NAPB: variants seen among roughly 807,000 people sequenced by gnomAD.
NAPB encodes the protein NSF attachment protein beta.
NAPB carries 26 observed loss-of-function variants against 44.7 expected under a neutral mutation model. The observed-to-expected ratio is 0.58, with a 90% CI of 0.43 to 0.81. The LOEUF is 0.81. Among genes scored for constraint, NAPB ranks in the 30% least tolerant of loss-of-function variants. The pLI, the probability that NAPB is intolerant of heterozygous loss-of-function variation, is 0.00. For synonymous variants in NAPB, 120 were observed against 116.8 expected (o/e 1.03, Z -0.18); for missense variants, 315 against 356.4 (o/e 0.88, Z 0.94).
chr20:23,404,519 C>T (rs571994033), intron 1 of NAPB, among the ~76,000 whole-genome samples: 19 of 152,342 alleles, frequency 1.2e-4, no homozygotes, highest in African/African-American at 4.6e-4. Flanking sequence ...TAACTACTAA[C>T]AGTATGGCCC....
chr20:23,402,773 C>T (rs913970884), intron 2 of NAPB, among the ~76,000 whole-genome samples: 1 of 152,202 alleles, frequency 6.6e-6, no homozygotes, highest in African/African-American at 2.4e-5. Context: ...AAGACAGACA[C>T]TGTCCCTGTG....
intron 1 of NAPB, 48 bp downstream of exon 1, chr20:23,421,257 A>G (rs765005794): frequency 1.4e-6 from 2 of 1,389,400 alleles, no homozygotes; most frequent in South Asian, 1.3e-5. Context: ...GAAGGGGGCC[A>G]AGTACGGAGA....
chr20:23,397,897 C>T (rs1984493796), intron 2 of NAPB, among the ~76,000 whole-genome samples: 1 of 152,168 alleles, frequency 6.6e-6, no homozygotes, highest in African/African-American at 2.4e-5. Flanking sequence ...ATATAAGGTA[C>T]ATGAACTAAT....
At chr20:23,404,043 A>G (rs1414971247) in intron 1 of NAPB, among the ~76,000 whole-genome samples, 2 of 152,156 alleles carry the variant, frequency 1.3e-5, no homozygotes, top group African/African-American at 4.8e-5. Flanking sequence ...ACAGTTCTGC[A>G]AAGTTCTTTA....
Position 23,379,921 on chromosome 20 carries a change from T to C in NAPB, c.681A>G (p.Lys227=), listed in dbSNP as rs766348532. 3.1e-6 allele frequency: 5 copies of C among 1,613,138 alleles called. No homozygotes were observed. Among genetic ancestry groups the C allele is most frequent in the African/African-American group, 1.3e-5 (1 of 74,916 alleles). ...TAAATGCTGGAAACATTTCCTCATA[T>C]TTCTCAAGAGCAAGCTGAGAGAGAA... ...DELNAKLALE[K]YEEMFPAFTD... The change falls in exon 9 of 11, where the codon AAA becomes AAG. Residue 227 remains lysine, a synonymous_variant. Transcript: ENST00000377026.
intron 3 of NAPB, 95 bp from the exon 4 acceptor site, chr20:23,395,280 A>T: frequency 7.6e-7 from 1 of 1,320,912 alleles, no homozygotes; most frequent in South Asian, 1.3e-5. Context: ...CAGAACGTTA[A>T]TGAGGTATAA....
intron 3 of NAPB, 78 bp downstream of exon 3, chr20:23,396,994 A>G (rs1020657662): frequency 4.3e-5 from 63 of 1,453,442 alleles, no homozygotes; most frequent in Admixed American, 2.0e-5. Context: ...GCACACCAAC[A>G]CTGACCTTAA....
chr20:23,415,971 A>T (rs1230139508), intron 1 of NAPB, among the ~76,000 whole-genome samples: 1 of 152,216 alleles, frequency 6.6e-6, no homozygotes, highest in Non-Finnish European at 1.5e-5. Context: ...GTCTCAAAAA[A>T]ATAAATACAT....
rs1309899831 is a variant in NAPB, at chr20:23,420,847, C to T, written c.98+458G>A. ...AGTGTTCTAGGGGCTTCGTGGGGCGCTTGGGGAGCTCTGGGGGTCCTAGGG... is the reference window on the plus strand; with the variant it reads ...AGTGTTCTAGGGGCTTCGTGGGGCGTTTGGGGAGCTCTGGGGGTCCTAGGG... On this transcript the variant is annotated intron_variant, in intron 1 of 10. Transcript: ENST00000377026. Among the ~76,000 whole-genome samples the T allele has an allele frequency of 6.0e-5, 9 of 150,204 alleles. No homozygotes were observed. In the South Asian group the frequency reaches 1.9e-3, roughly 32 times the overall value.
chr20:23,385,582 C>A (rs1160344841), intron 7 of NAPB, among the ~76,000 whole-genome samples: 2 of 152,006 alleles, frequency 1.3e-5, no homozygotes, highest in Non-Finnish European at 2.9e-5. Flanking sequence ...CAACATGGCA[C>A]ACACCTGTAA....
intron 7 of NAPB, among the ~76,000 whole-genome samples, chr20:23,385,631 G>C (rs1983442708): frequency 6.6e-6 from 1 of 151,940 alleles, no homozygotes; most frequent in African/African-American, 2.4e-5. Context: ...AAAATAGTTT[G>C]AACCTGGGAG....
chr20:23,405,242 C>T (rs1224502375), intron 1 of NAPB, among the ~76,000 whole-genome samples: 5 of 151,646 alleles, frequency 3.3e-5, no homozygotes, highest in African/African-American at 1.2e-4. Context: ...CACTGCACTC[C>T]AGCCCACCAG....
At chr20:23,385,711 TGAAAGAAGAGAAAGAAGA>T (rs3040368) in intron 7 of NAPB, among the ~76,000 whole-genome samples, 3,025 of 148,126 alleles carry the variant, frequency 0.02, 105 homozygotes, top group African/African-American at 0.072. Context: ...AGACTCTGTC[TGAAAGAAGAGAAAGAAGA>T]GAAAGAAGAG....
chr20:23,412,295 G>T (rs947780709), intron 1 of NAPB, among the ~76,000 whole-genome samples: 2 of 152,122 alleles, frequency 1.3e-5, no homozygotes, highest in African/African-American at 4.8e-5. Context: ...GGCCACAACT[G>T]GCAGCAGAGG....
chr20:23,421,459 C>T lies in NAPB; in HGVS notation c.-57G>A. On this transcript the variant is annotated 5_prime_UTR_variant, in exon 1 of 11. Coordinates refer to ENST00000377026, the MANE Select transcript of NAPB (RefSeq NM_022080.3). Reference sequence around the variant, plus strand: ...GCCGGCTCGCTGTGCGCCCAGGCGCCTTAACCCTCCCTCTGGCGGCCGCAG... The same window carrying T: ...GCCGGCTCGCTGTGCGCCCAGGCGCTTTAACCCTCCCTCTGGCGGCCGCAG... The T allele has an allele frequency of 6.8e-6, 10 of 1,471,776 alleles. No homozygotes were observed. In the South Asian group the frequency reaches 7.5e-5, roughly 11 times the overall value. The allele number at this position is 1,471,776 out of a possible 1,614,324, so 91.2% of individuals were successfully genotyped here.
chr20:23,414,311 G>C (rs530014981), intron 1 of NAPB, among the ~76,000 whole-genome samples: 2 of 152,116 alleles, frequency 1.3e-5, no homozygotes, highest in Non-Finnish European at 2.9e-5. Flanking sequence ...AACAAAGTGA[G>C]ACCCTGTCGC....
Position 23,409,576 on chromosome 20 carries a change from A to G in NAPB, c.99-6504T>C, listed in dbSNP as rs142127518. ...AATTCAGAAATGACTGTTACATACA[A>G]CCTGATTTACCAAGAGCAGTTTTTA... is the stretch of plus-strand genomic sequence containing the variant. On this transcript the variant is annotated intron_variant, in intron 1 of 10. Coordinates refer to ENST00000377026, the MANE Select transcript of NAPB (RefSeq NM_022080.3). 5.5e-3 allele frequency among the ~76,000 whole-genome samples: 837 copies of G among 152,334 alleles called. 14 individuals carry two copies. Among genetic ancestry groups the G allele is most frequent in the African/African-American group, 0.019 (792 of 41,570 alleles).
At chr20:23,377,526 A>G in intron 10 of NAPB, 40 bp from the exon 11 acceptor site, 1 of 1,377,708 alleles carries the variant, frequency 7.3e-7, no homozygotes, top group Non-Finnish European at 1.0e-6. Context: ...CCCCATGTAA[A>G]TACATTAAAA....
chr20:23,412,224 G>C (rs571531432), intron 1 of NAPB, among the ~76,000 whole-genome samples: 1 of 152,254 alleles, frequency 6.6e-6, no homozygotes, highest in South Asian at 2.1e-4. Context: ...TCTTACAGAA[G>C]GGTAAAAGCC....
Sources: gnomAD v4.1 joint callset for allele counts (sites outside exome capture counted in the v4.1 genomes callset) on GRCh38, gnomAD v4.1.1 for gene constraint, MANE v1.5 for transcripts, NCBI Gene and HGNC (gene_info 2026-07-23, HGNC 2026-07-21) for gene names.